The following SETBP1 variants were observed in gnomAD, a reference collection of about 807,000 sequenced individuals.
SETBP1 encodes the protein SET binding protein 1.
SETBP1 carries 9 observed loss-of-function variants against 101.0 expected under a neutral mutation model. That is an observed-to-expected ratio of 0.09 (90% CI 0.05 to 0.16). SETBP1 has a LOEUF of 0.16. Among genes scored for constraint, SETBP1 ranks in the 10% least tolerant of loss-of-function variants. The pLI, the probability that SETBP1 is intolerant of heterozygous loss-of-function variation, is 1.00. For synonymous variants in SETBP1, 818 were observed against 788.5 expected (o/e 1.04, Z -0.63); for missense variants, 1,858 against 2,033.8 (o/e 0.91, Z 1.66).
intron 2 of SETBP1, among the ~76,000 whole-genome samples, chr18:44,705,783 C>T (rs925289101): frequency 2.0e-5 from 3 of 152,174 alleles, no homozygotes; most frequent in African/African-American, 4.8e-5. Context: ...CGTCAACAGC[C>T]TTGTTCCAAA....
At chr18:44,752,892 G>C (rs2070417019) in intron 2 of SETBP1, among the ~76,000 whole-genome samples, 1 of 152,148 alleles carries the variant, frequency 6.6e-6, no homozygotes, top group African/African-American at 2.4e-5. Context: ...GCATTTAAGT[G>C]TTTTCTTGGA....
At chr18:44,903,357 C>T (rs1249501094) in intron 3 of SETBP1, among the ~76,000 whole-genome samples, 1 of 152,174 alleles carries the variant, frequency 6.6e-6, no homozygotes, top group Non-Finnish European at 1.5e-5. Flanking sequence ...CCTGAAATGT[C>T]AGGGAAAAGG....
chr18:44,987,923 A>G (rs2072276024), intron 4 of SETBP1: 1 of 152,126 alleles, frequency 6.6e-6, no homozygotes, highest in Non-Finnish European at 1.5e-5. Flanking sequence ...GTTTCTCATG[A>G]GATATTTTTT....
chr18:44,950,590 A>G lies in SETBP1; in HGVS notation c.1250A>G (p.Lys417Arg). ...CCCTCTCTGGATCCAACCAACCATA[A>G]GAGGAAAAAAAGACAGTCCATTAAA... The part of the protein sequence containing the change: ...KAPSLDPTNH[K>R]RKKRQSIKAV... Residue 417 changes from lysine (K) to arginine (R), a missense_variant, in exon 4 of 6, where the codon AAG (lysine) becomes AGG (arginine). Lys to Arg is a conservative substitution (Grantham distance 26). Coordinates refer to ENST00000649279, the MANE Select transcript of SETBP1 (RefSeq NM_015559.3). 1 of 1,614,106 alleles carries G rather than the reference A, an allele frequency of 6.2e-7. No individual in the cohort carries two copies. The highest frequency in any genetic ancestry group is 8.5e-7 in the Non-Finnish European group (1 of 1,180,034).
chr18:44,861,042 A>G (rs1384778974), intron 2 of SETBP1, among the ~76,000 whole-genome samples: 1 of 152,124 alleles, frequency 6.6e-6, no homozygotes, highest in African/African-American at 2.4e-5. Context: ...ATAGATGTTA[A>G]CATGGAAGTC....
At chr18:44,938,757 A>C (rs2071018252) in intron 3 of SETBP1, among the ~76,000 whole-genome samples, 1 of 152,192 alleles carries the variant, frequency 6.6e-6, no homozygotes, top group Non-Finnish European at 1.5e-5. Flanking sequence ...AGGAGAGAAC[A>C]ATGGTGTTTA....
At chr18:44,704,330 T>C (rs1293108053) in intron 2 of SETBP1, among the ~76,000 whole-genome samples, 2 of 152,304 alleles carry the variant, frequency 1.3e-5, no homozygotes, top group African/African-American at 4.8e-5. Flanking sequence ...GAATATGTGA[T>C]TTGCCAAGTA....
chr18:44,707,733 G>A (rs376926834), intron 2 of SETBP1, among the ~76,000 whole-genome samples: 74 of 152,330 alleles, frequency 4.9e-4, no homozygotes, highest in African/African-American at 1.7e-3. Context: ...AAGAGAGGTT[G>A]GCATTAGATT....
chr18:44,932,122 T>C (rs2070850697), intron 3 of SETBP1, among the ~76,000 whole-genome samples: 1 of 152,244 alleles, frequency 6.6e-6, no homozygotes, highest in Non-Finnish European at 1.5e-5. Context: ...GGAGCTCCTG[T>C]AAGGCAGGCC....
intron 2 of SETBP1, among the ~76,000 whole-genome samples, chr18:44,773,925 A>G (rs2144648224): frequency 6.7e-6 from 1 of 149,860 alleles, no homozygotes; most frequent in Admixed American, 6.7e-5. Flanking sequence ...ATGGTGAGGT[A>G]AAAGGCATAG....
At chr18:44,688,256 T>G (rs2068869065) in intron 1 of SETBP1, among the ~76,000 whole-genome samples, 1 of 152,212 alleles carries the variant, frequency 6.6e-6, no homozygotes, top group African/African-American at 2.4e-5. Flanking sequence ...TGATTTTCAG[T>G]TCTGTCAGTG....
chr18:44,820,403 G>T (rs1177919758), intron 2 of SETBP1, among the ~76,000 whole-genome samples: 2 of 152,182 alleles, frequency 1.3e-5, no homozygotes, highest in Non-Finnish European at 2.9e-5. Flanking sequence ...CAAATGCTGA[G>T]AGATCTAGCA....
intron 4 of SETBP1, among the ~76,000 whole-genome samples, chr18:45,013,412 C>CTCTTTCTTTCTTTCTTTCTTTCTT (rs113573331): frequency 4.0e-5 from 6 of 151,492 alleles, no homozygotes; most frequent in Admixed American, 1.3e-4. Flanking sequence ...CTGTTTCTGA[C>CTCTTTCTTTCTTTCTTTCTTTCTT]TCTTTCTTTC....
rs903951132 is a variant in SETBP1 at position 44,951,188 on chromosome 18, G to A, written c.1848G>A (p.Glu616=). The A allele has an allele frequency of 1.2e-6, 2 of 1,614,164 alleles. No individual in the cohort carries two copies. Among genetic ancestry groups the A allele is most frequent in the South Asian group, 2.2e-5 (2 of 91,080 alleles). ...STSPVSPISR[E]FPGTKKRKRR... ...GCCCCGTCAGTCCCATCAGCCGAGA[G>A]TTTCCTGGCACTAAGAAAAGAAAGC... Residue 616 remains glutamate, a synonymous_variant, in exon 4 of 6, where the codon GAG becomes GAA. Coordinates refer to ENST00000649279, the MANE Select transcript of SETBP1 (RefSeq NM_015559.3). The surrounding 1 kb of genome is among the most constrained non-coding windows in gnomAD (Gnocchi z 7.8).
chr18:44,788,436 T>C (rs959622721), intron 2 of SETBP1, among the ~76,000 whole-genome samples: 6 of 152,214 alleles, frequency 3.9e-5, no homozygotes, highest in African/African-American at 1.2e-4. Flanking sequence ...CTAAGCTATG[T>C]CTCTGTATTT....
At chr18:44,849,645 G>T (rs630122) in intron 2 of SETBP1, among the ~76,000 whole-genome samples, 52 of 149,156 alleles carry the variant, frequency 3.5e-4, no homozygotes, top group Admixed American at 2.2e-3. Flanking sequence ...GAAGGCCATG[G>T]GGAAGAGTCC....
At chr18:44,881,392 C>T (rs935194761) in intron 3 of SETBP1, among the ~76,000 whole-genome samples, 1 of 152,134 alleles carries the variant, frequency 6.6e-6, no homozygotes, top group Non-Finnish European at 1.5e-5. Flanking sequence ...TCTGAGACTG[C>T]AGGCATCTAG....
intron 5 of SETBP1, among the ~76,000 whole-genome samples, chr18:45,049,583 A>G (rs1306736425): frequency 6.6e-6 from 1 of 152,062 alleles, no homozygotes; most frequent in Non-Finnish European, 1.5e-5. Context: ...AATAGGATAA[A>G]TTTTCCCCAT....
intron 3 of SETBP1, among the ~76,000 whole-genome samples, chr18:44,878,530 T>G (rs985983718): frequency 6.6e-6 from 1 of 152,214 alleles, no homozygotes; most frequent in Non-Finnish European, 1.5e-5. Flanking sequence ...TACATGACTG[T>G]GCTTTATATA....
Sources: gnomAD v4.1 joint callset for allele counts (sites outside exome capture counted in the v4.1 genomes callset) on GRCh38, gnomAD v4.1.1 for gene constraint, Gnocchi (gnomAD v3.1) non-coding constraint, MANE v1.5 for transcripts, NCBI Gene and HGNC (gene_info 2026-07-23, HGNC 2026-07-21) for gene names.